The following CACNA1E variants were observed in gnomAD, a reference collection of about 807,000 sequenced individuals.
CACNA1E encodes the protein voltage-dependent R-type calcium channel subunit alpha-1E.
A neutral mutation model predicts 259.2 loss-of-function variants in CACNA1E; 40 were observed. That is an observed-to-expected ratio of 0.15 (90% CI 0.12 to 0.20). CACNA1E has a LOEUF of 0.20. CACNA1E is among the 10% of genes least tolerant of loss of function. The pLI is 1.00. For missense variants in CACNA1E, 1,874 were observed against 3,040.1 expected (o/e 0.62, Z 9.02); for synonymous variants, 1,104 against 1,138.5 (o/e 0.97, Z 0.61).
intron 2 of CACNA1E, among the ~76,000 whole-genome samples, chr1:181,423,662 A>ATTTTTTTTTTTTTTTTTTTTTT (rs11302089): frequency 3.8e-5 from 5 of 130,996 alleles, no homozygotes; most frequent in African/African-American, 6.1e-5. Context: ...CATTGGGCCA[A>ATTTTTTTTTTTTTTTTTTTTTT]TTTTTTTTTT....
At chr1:181,550,966 G>C (rs751428229) in intron 3 of CACNA1E, among the ~76,000 whole-genome samples, 1 of 151,840 alleles carries the variant, frequency 6.6e-6, no homozygotes, top group Non-Finnish European at 1.5e-5. Context: ...ACATCCTTAC[G>C]CTGTATCAGC....
chr1:181,634,198 C>A (rs1282451770), intron 6 of CACNA1E, among the ~76,000 whole-genome samples: 1 of 152,198 alleles, frequency 6.6e-6, no homozygotes, highest in East Asian at 1.9e-4. Flanking sequence ...CTTTGCTCTT[C>A]TTTAAAATGG....
chr1:181,640,430 TG>T (rs1290213743), intron 6 of CACNA1E, among the ~76,000 whole-genome samples: 1 of 152,210 alleles, frequency 6.6e-6, no homozygotes, highest in Non-Finnish European at 1.5e-5. Flanking sequence ...AACCTGTTTT[TG>T]TTAAGGAATA....
intron 6 of CACNA1E, among the ~76,000 whole-genome samples, chr1:181,586,679 A>T (rs1652102498): frequency 6.6e-6 from 1 of 152,206 alleles, no homozygotes; most frequent in African/African-American, 2.4e-5. Context: ...TATCTTGCAA[A>T]TAATTTCTTG....
intron 3 of CACNA1E, among the ~76,000 whole-genome samples, chr1:181,539,835 T>C (rs1159992767): frequency 1.3e-5 from 2 of 152,248 alleles, no homozygotes; most frequent in Non-Finnish European, 2.9e-5. Flanking sequence ...GTTTAGTCTT[T>C]GCTTTTAGTG....
In CACNA1E at chr1:181,772,053, C is replaced by T. The variant is rs376965760; in HGVS notation, c.4974-13C>T. 1 of 1,612,548 alleles carries T rather than the reference C, an allele frequency of 6.2e-7. No individual in the cohort carries two copies. The highest frequency in any genetic ancestry group is 8.5e-7 in the Non-Finnish European group (1 of 1,179,068). On this transcript the variant is annotated splice_polypyrimidine_tract_variant and intron_variant, in intron 36 of 47. Transcript: ENST00000367573. ...GAGCTGCTCCTGCTAACCAAAATGT[C>T]TCTTGGGCTCAGGAGTGCCACAGGT...
chr1:181,479,032 T>A (rs1346485073), upstream of CACNA1E, among the ~76,000 whole-genome samples: 1 of 152,226 alleles, frequency 6.6e-6, no homozygotes, highest in Non-Finnish European at 1.5e-5. Flanking sequence ...CTTTATAAAG[T>A]AGGAAAGTTT....
At chr1:181,345,647 G>A (rs1275172835) in intron 1 of CACNA1E, among the ~76,000 whole-genome samples, 5 of 152,232 alleles carry the variant, frequency 3.3e-5, no homozygotes, top group Non-Finnish European at 7.3e-5. Context: ...TCTCAGTGGA[G>A]AGCGGGGCTC....
chr1:181,337,015 T>C (rs1030402954), intron 1 of CACNA1E, among the ~76,000 whole-genome samples: 1 of 144,830 alleles, frequency 6.9e-6, no homozygotes, highest in Non-Finnish European at 1.5e-5. Context: ...TAATTTTCTT[T>C]ATATCTATAT....
intron 1 of CACNA1E, among the ~76,000 whole-genome samples, chr1:181,365,167 T>A (rs1654177502): frequency 6.6e-6 from 1 of 152,148 alleles, no homozygotes; most frequent in African/African-American, 2.4e-5. Flanking sequence ...CCTAGCTTTT[T>A]TTTATTTTTT....
chr1:181,513,325 T>G (rs1296787467), intron 3 of CACNA1E, among the ~76,000 whole-genome samples: 1 of 152,264 alleles, frequency 6.6e-6, no homozygotes, highest in Non-Finnish European at 1.5e-5. Flanking sequence ...TTTGCTGCTT[T>G]CTTCCCAATA....
chr1:181,600,564 T>C lies in CACNA1E; in HGVS notation c.951+19788T>C, dbSNP rs184683154. On this transcript the variant is annotated intron_variant, in intron 6 of 47. Transcript: ENST00000367573. ...GGAGCTGGCAGGACTTGTTAATGGG[T>C]TGAATGTGGGGTAGGAGAGATGGGA... Among the ~76,000 whole-genome samples, 255 of 151,804 alleles carry C rather than the reference T, an allele frequency of 1.7e-3. 2 individuals are homozygous for C. The highest frequency in any genetic ancestry group is 3.2e-3 in the Non-Finnish European group (215 of 67,918).
chr1:181,686,282 T>G (rs1013937591), intron 7 of CACNA1E, among the ~76,000 whole-genome samples: 2 of 124,062 alleles, frequency 1.6e-5, no homozygotes, highest in South Asian at 2.8e-4. Context: ...CAAGTTTTTT[T>G]TTTTTTTTTT....
At chr1:181,775,254 C>A (rs954406968) in intron 37 of CACNA1E, among the ~76,000 whole-genome samples, 1 of 152,150 alleles carries the variant, frequency 6.6e-6, no homozygotes, top group African/African-American at 2.4e-5. Flanking sequence ...CCCACTGAAT[C>A]TCACTAACTT....
At chr1:181,407,532 C>T (rs1305306855) in intron 1 of CACNA1E, among the ~76,000 whole-genome samples, 2 of 152,202 alleles carry the variant, frequency 1.3e-5, no homozygotes, top group African/African-American at 2.4e-5. Context: ...ATGAGAATCT[C>T]TGAAGAGACA....
chr1:181,399,705 G>A (rs969529353), intron 1 of CACNA1E, among the ~76,000 whole-genome samples: 1 of 152,246 alleles, frequency 6.6e-6, no homozygotes, highest in African/African-American at 2.4e-5. Context: ...ATTAACACCT[G>A]AGATGACTGT....
At chr1:181,339,117 T>C (rs1188214214) in intron 1 of CACNA1E, among the ~76,000 whole-genome samples, 1 of 152,212 alleles carries the variant, frequency 6.6e-6, no homozygotes, top group Non-Finnish European at 1.5e-5. Context: ...TTTATTTTTC[T>C]TTTTCAAGAT....
At chr1:181,501,820 G>A (rs1039092100) in intron 1 of CACNA1E, among the ~76,000 whole-genome samples, 8 of 152,156 alleles carry the variant, frequency 5.3e-5, no homozygotes, top group African/African-American at 9.7e-5. Flanking sequence ...TTGTCATGGC[G>A]ATGGCAGGTT....
intron 3 of CACNA1E, among the ~76,000 whole-genome samples, chr1:181,552,787 A>T (rs1284041341): frequency 6.6e-6 from 1 of 151,508 alleles, no homozygotes; most frequent in Non-Finnish European, 1.5e-5. Context: ...ACCCCCTAAC[A>T]GGCCCCTTTG....
Sources: allele counts gnomAD v4.1 joint callset (sites outside exome capture counted in the v4.1 genomes callset), GRCh38; gene constraint gnomAD v4.1.1; transcripts MANE v1.5; gene names NCBI Gene and HGNC (gene_info 2026-07-23, HGNC 2026-07-21).